Variants in SMURF1 observed in about 807,000 individuals in gnomAD.
SMURF1 encodes E3 ubiquitin-protein ligase SMURF1.
SMURF1 carries 44 observed loss-of-function variants against 98.0 expected under a neutral mutation model. The observed-to-expected ratio is 0.45, with a 90% CI of 0.35 to 0.58. The LOEUF (loss-of-function observed/expected upper bound fraction) is 0.58, where lower values mean the gene tolerates loss of function less well. SMURF1 is among the 20% of genes least tolerant of loss of function. The pLI, the probability that SMURF1 is intolerant of heterozygous loss-of-function variation, is 0.00. For missense variants in SMURF1, 687 were observed against 938.4 expected (o/e 0.73, Z 3.50); for synonymous variants, 396 against 374.9 (o/e 1.06, Z -0.65).
intron 1 of SMURF1, among the ~76,000 whole-genome samples, chr7:99,133,122 C>A (rs1321748505): frequency 6.8e-6 from 1 of 147,740 alleles, no homozygotes; most frequent in African/African-American, 2.5e-5. Context: ...CACACCCCAC[C>A]CACACGCAGT....
chr7:99,083,628 G>T (rs189243481), intron 1 of SMURF1, among the ~76,000 whole-genome samples: 1 of 152,274 alleles, frequency 6.6e-6, no homozygotes, highest in East Asian at 1.9e-4. Flanking sequence ...CCTGTTTCCT[G>T]TGTTGATTCA....
At chr7:99,057,365 C>T (rs909171794) in intron 4 of SMURF1, 53 bp downstream of exon 4, 2 of 1,612,252 alleles carry the variant, frequency 1.2e-6, no homozygotes, top group Non-Finnish European at 1.7e-6. Context: ...AAAACGATGC[C>T]TCCTAAGCTT....
intron 1 of SMURF1, among the ~76,000 whole-genome samples, chr7:99,108,857 G>A (rs990075027): frequency 6.6e-6 from 1 of 152,080 alleles, no homozygotes; most frequent in African/African-American, 2.4e-5. Flanking sequence ...TAACAAATTT[G>A]TGGCGTGACC....
At chr7:99,093,883 G>A (rs1008559016) in intron 1 of SMURF1, among the ~76,000 whole-genome samples, 1 of 152,046 alleles carries the variant, frequency 6.6e-6, no homozygotes, top group African/African-American at 2.4e-5. Flanking sequence ...TTCAAGATTT[G>A]ATAGACTTTC....
intron 13 of SMURF1, 42 bp downstream of exon 13, chr7:99,040,336 G>T (rs751122328): frequency 4.4e-5 from 63 of 1,422,500 alleles, no homozygotes; most frequent in Non-Finnish European, 5.6e-5. Context: ...AGACGTGGTG[G>T]TGGGCCCTAA....
In SMURF1 at chr7:99,045,689, G is replaced by A; in HGVS notation, c.1256+9C>T. The A allele has an allele frequency of 1.9e-6, 3 of 1,605,546 alleles. No individual in the cohort carries two copies. Among genetic ancestry groups the A allele is most frequent in the Non-Finnish European group, 2.6e-6 (3 of 1,172,142 alleles). On this transcript the variant is annotated intron_variant, in intron 11 of 17. Transcript: ENST00000361368. ...CACAGCAGAGAAGGTGAATGAACAA[G>A]CAGCTCACCTGGCCACACCACCGTA...
At chr7:99,110,499 C>T (rs1797294101) in intron 1 of SMURF1, among the ~76,000 whole-genome samples, 1 of 152,194 alleles carries the variant, frequency 6.6e-6, no homozygotes, top group Non-Finnish European at 1.5e-5. Flanking sequence ...TGAAAGGACC[C>T]TCAACCTCAC....
In SMURF1 at chr7:99,052,351, C is replaced by T. The variant is rs538261023; in HGVS notation, c.575G>A (p.Gly192Glu). Residue 192 changes from glycine (G) to glutamate (E), a missense_variant, in exon 7 of 18, where the codon GGA becomes GAA. Around this residue, in one of 2 missense-constraint regions of SMURF1, gnomAD observed 415 missense variants for 508.4 expected, o/e 0.82. Transcript: ENST00000361368. ...GGACTCCACGAACCTGCAATTCCCT[C>T]CTCCAGCAGCAGCACCGGTGCTATC... is the stretch of plus-strand genomic sequence containing the variant. ...YTDSTGAAAG[G>E]GNCRFVESPS... 2 of 1,612,648 alleles carry T rather than the reference C, an allele frequency of 1.2e-6. No individual in the cohort carries two copies. Among genetic ancestry groups the T allele is most frequent in the Admixed American group, 3.3e-5 (2 of 59,850 alleles).
intron 16 of SMURF1, among the ~76,000 whole-genome samples, chr7:99,033,808 G>A (rs949837192): frequency 1.3e-5 from 2 of 152,190 alleles, no homozygotes; most frequent in African/African-American, 4.8e-5. Flanking sequence ...TTGCTCAGGT[G>A]TTTCCAAACT....
chr7:99,039,354 C>CT lies in SMURF1; in HGVS notation c.1551-830dup, dbSNP rs904034619. On this transcript the variant is annotated intron_variant, in intron 13 of 17. Coordinates refer to ENST00000361368, the MANE Select transcript of SMURF1 (RefSeq NM_181349.3). ...AGAGTGGAAGATTTTCTTTTTCTTT[C>CT]TTTTTTTTTGAGACAGAGACTCACT... 6.0e-4 allele frequency among the ~76,000 whole-genome samples: 91 copies of CT among 150,792 alleles called. No individual in the cohort carries two copies. In the East Asian group the frequency reaches 7.5e-3, roughly 12 times the overall value.
Position 99,059,397 on chromosome 7 carries a change from C to CA in SMURF1, c.203+1201dup, listed in dbSNP as rs1194308241. ...TGGGCGACAGAGCAAGACTCCATCT[C>CA]AAAAAAAAATAAAATAAAATAAAAT... On this transcript the variant is annotated intron_variant, in intron 3 of 17. Transcript: ENST00000361368. 3.5e-5 allele frequency among the ~76,000 whole-genome samples: 2 copies of CA among 57,090 alleles called. 1 individual carries two copies. The highest frequency in any genetic ancestry group is 6.9e-5 in the Non-Finnish European group (2 of 28,812). 37.5% of individuals were successfully genotyped at this position (57,090 alleles called of 152,430 possible).
intron 17 of SMURF1, among the ~76,000 whole-genome samples, chr7:99,032,270 T>G (rs1045325447): frequency 3.3e-5 from 5 of 152,258 alleles, no homozygotes; most frequent in Admixed American, 2.0e-4. Context: ...AACCTTTGTG[T>G]GGGACGCTGC....
intron 1 of SMURF1, among the ~76,000 whole-genome samples, chr7:99,066,453 G>A (rs1027414117): frequency 2.6e-5 from 4 of 152,126 alleles, no homozygotes; most frequent in South Asian, 2.1e-4. Context: ...CATAAAGTGC[G>A]GAAAGGTCTC....
At position 99,033,064 on chromosome 7, in the gene SMURF1, G is replaced by A; in HGVS notation, c.2069C>T (p.Thr690Ile). ...GGTATGGGCCTTCGGAAGGTTGTCTGTGTTCGCGTCTATCAGGTGGATGGT... is the reference window on the plus strand; with the variant it reads ...GGTATGGGCCTTCGGAAGGTTGTCTATGTTCGCGTCTATCAGGTGGATGGT... Reference protein sequence around the residue: ...LFTIHLIDANTDNLPKAHTCF... With the variant: ...LFTIHLIDANIDNLPKAHTCF... The change falls in exon 17 of 18, where the codon ACA becomes ATA. Residue 690 changes from threonine (T) to isoleucine (I), a missense_variant. By Grantham distance (89) the Thr-to-Ile change is moderately conservative. Coordinates refer to ENST00000361368, the MANE Select transcript of SMURF1 (RefSeq NM_181349.3). 3 of 1,593,992 alleles carry A rather than the reference G, an allele frequency of 1.9e-6. No individual in the cohort carries two copies. The highest frequency in any genetic ancestry group is 2.6e-6 in the Non-Finnish European group (3 of 1,169,580).
intron 1 of SMURF1, among the ~76,000 whole-genome samples, chr7:99,136,915 A>G (rs772840908): frequency 6.6e-6 from 1 of 152,146 alleles, no homozygotes; most frequent in Non-Finnish European, 1.5e-5. Context: ...GTGCCACTGC[A>G]CCCCAGTCTG....
chr7:99,092,127 G>A (rs1238900641), intron 1 of SMURF1, among the ~76,000 whole-genome samples: 1 of 152,178 alleles, frequency 6.6e-6, no homozygotes. Context: ...ATCAAATAAA[G>A]ATAGCTGCTA....
Position 99,045,804 on chromosome 7 carries a change from G to A in SMURF1, c.1153-3C>T, listed in dbSNP as rs751968837. 5.0e-6 allele frequency: 8 copies of A among 1,603,182 alleles called. No individual in the cohort carries two copies. The Admixed American group carries it at 1.3e-4, about 27-fold the overall frequency. ...TTCATTATCTGGCGGTAAGACTCCT[G>A]AAGAGCAACATCACAGTTTCAGAGA... On this transcript the variant is annotated splice_region_variant and splice_polypyrimidine_tract_variant and intron_variant, in intron 10 of 17. Transcript: ENST00000361368.
intron 3 of SMURF1, among the ~76,000 whole-genome samples, chr7:99,059,330 G>A (rs1454452603): frequency 4.8e-5 from 7 of 146,096 alleles, no homozygotes; most frequent in African/African-American, 1.0e-4. Flanking sequence ...CCCGGGAGGC[G>A]GAGCTTGCAG....
In SMURF1 at chr7:99,057,591, G is replaced by GTT. The variant is rs200219353; in HGVS notation, c.204-42_204-41dup. 7.8e-4 allele frequency: 1,036 copies of GTT among 1,322,414 alleles called. 33 individuals are homozygous for GTT. The highest frequency in any genetic ancestry group is 2.7e-3 in the African/African-American group (105 of 39,380). The allele number at this position is 1,322,414 out of a possible 1,614,324, so 81.9% of individuals were successfully genotyped here. A position where few individuals can be genotyped will look rare whatever the true frequency, so the allele number is the denominator to read the frequency against. ...CAAAACTCATTTTTAATTGTGTTTGGTTTTTTTTGTTTTGTTTTTTTTTTT... is the reference window on the plus strand; with the variant it reads ...CAAAACTCATTTTTAATTGTGTTTGGTTTTTTTTTTGTTTTGTTTTTTTTTTT... On this transcript the variant is annotated intron_variant, in intron 3 of 17. Transcript: ENST00000361368.
Sources: gnomAD v4.1 joint callset for allele counts (sites outside exome capture counted in the v4.1 genomes callset) on GRCh38, gnomAD v4.1.1 for gene constraint, gnomAD v4.1.1 regional missense constraint, MANE v1.5 for transcripts, NCBI Gene and HGNC (gene_info 2026-07-23, HGNC 2026-07-21) for gene names.